Variants in LRRC8D observed in about 807,000 individuals in gnomAD.
The protein encoded by LRRC8D is leucine rich repeat containing 8 VRAC subunit D, also known as volume-regulated anion channel subunit LRRC8D.
LRRC8D carries 20 observed loss-of-function variants against 55.8 expected under a neutral mutation model. The observed-to-expected ratio is 0.36, with a 90% CI of 0.25 to 0.52. The LOEUF (loss-of-function observed/expected upper bound fraction) is 0.52. Ranked by LOEUF, LRRC8D falls within the 20% of genes least tolerant of loss-of-function variation. The probability of loss-of-function intolerance (pLI) is 0.93; values close to 1 mark genes in which losing one functional copy is unlikely to be tolerated. For synonymous variants in LRRC8D, 352 were observed against 377.0 expected (o/e 0.93, Z 0.77); for missense variants, 651 against 1,030.8 (o/e 0.63, Z 5.05).
At chr1:89,843,616 T>G in intron 1 of LRRC8D, 22 bp from the exon 2 acceptor site, 2 of 702,284 alleles carry the variant, frequency 2.8e-6, no homozygotes, top group Non-Finnish European at 2.6e-6. Context: ...TAGCTCTTTC[T>G]CTCCCCTGTG....
chr1:89,831,573 G>A (rs1218051630), intron 1 of LRRC8D, among the ~76,000 whole-genome samples: 1 of 152,062 alleles, frequency 6.6e-6, no homozygotes, highest in African/African-American at 2.4e-5. Flanking sequence ...TTGATTTGGG[G>A]TAAATGGGGA....
intron 1 of LRRC8D, among the ~76,000 whole-genome samples, chr1:89,835,607 T>G (rs1198969821): frequency 6.6e-6 from 1 of 152,220 alleles, no homozygotes. Context: ...GACAATCTCT[T>G]GGAGAGCATG....
intron 2 of LRRC8D, among the ~76,000 whole-genome samples, chr1:89,848,672 G>T (rs556847310): frequency 6.6e-6 from 1 of 152,146 alleles, no homozygotes; most frequent in Admixed American, 6.5e-5. Flanking sequence ...TATGCAGAGT[G>T]GGTAATAACC....
chr1:89,866,611 C>T (rs1661856016), intron 2 of LRRC8D, among the ~76,000 whole-genome samples: 1 of 152,142 alleles, frequency 6.6e-6, no homozygotes, highest in Non-Finnish European at 1.5e-5. Context: ...CTTTAGTTCT[C>T]TACTTTTCTT....
chr1:89,923,604 C>CA (rs1320234006), intron 2 of LRRC8D, among the ~76,000 whole-genome samples: 3 of 151,902 alleles, frequency 2.0e-5, no homozygotes, highest in Admixed American at 6.6e-5. Context: ...ATATGGAACC[C>CA]AAAAAAAGCC....
At chr1:89,906,020 G>A (rs571985523) in intron 2 of LRRC8D, among the ~76,000 whole-genome samples, 34 of 152,292 alleles carry the variant, frequency 2.2e-4, no homozygotes, top group African/African-American at 7.5e-4. Context: ...AATTGTATTT[G>A]AACAGTTGTC....
intron 2 of LRRC8D, among the ~76,000 whole-genome samples, chr1:89,844,054 C>G (rs1426170842): frequency 1.3e-5 from 2 of 152,242 alleles, no homozygotes; most frequent in East Asian, 3.9e-4. Context: ...TGCGCTGGAG[C>G]TGCCAGTGCT....
intron 1 of LRRC8D, among the ~76,000 whole-genome samples, chr1:89,826,229 A>C (rs1169541384): frequency 2.0e-5 from 3 of 150,374 alleles, no homozygotes; most frequent in Non-Finnish European, 4.4e-5. Flanking sequence ...TTATAGCTGG[A>C]AGGGATCAAC....
intron 2 of LRRC8D, among the ~76,000 whole-genome samples, chr1:89,852,512 T>G (rs1661444327): frequency 1.3e-5 from 2 of 152,158 alleles, no homozygotes; most frequent in Non-Finnish European, 2.9e-5. Flanking sequence ...TTTTGTTAAG[T>G]TCTGAGGATG....
chr1:89,860,128 A>G (rs1661664371), intron 2 of LRRC8D, among the ~76,000 whole-genome samples: 1 of 152,186 alleles, frequency 6.6e-6, no homozygotes, highest in Admixed American at 6.5e-5. Context: ...TTTTATTACT[A>G]CGTAGGTTTT....
At chr1:89,880,388 CTG>C (rs996925281) in intron 2 of LRRC8D, among the ~76,000 whole-genome samples, 3 of 151,380 alleles carry the variant, frequency 2.0e-5, no homozygotes, top group Non-Finnish European at 4.4e-5. Flanking sequence ...CAGTGCTAGA[CTG>C]TAATAATGTG....
chr1:89,884,823 A>G (rs758139873), intron 2 of LRRC8D, among the ~76,000 whole-genome samples: 2 of 152,192 alleles, frequency 1.3e-5, no homozygotes, highest in East Asian at 3.9e-4. Context: ...GTACTGTTGG[A>G]TCTTGGCATC....
intron 2 of LRRC8D, among the ~76,000 whole-genome samples, chr1:89,916,691 CT>C (rs1348374109): frequency 1.3e-5 from 2 of 152,022 alleles, no homozygotes; most frequent in African/African-American, 4.8e-5. Flanking sequence ...TCTGTTCTCT[CT>C]TTTCTTCGTT....
At chr1:89,824,845 C>A (rs1383169966) in intron 1 of LRRC8D, among the ~76,000 whole-genome samples, 1 of 152,170 alleles carries the variant, frequency 6.6e-6, no homozygotes, top group South Asian at 2.1e-4. Context: ...AGTAAGACAG[C>A]TGTTTGCTGA....
intron 1 of LRRC8D, among the ~76,000 whole-genome samples, chr1:89,842,214 GAAA>G (rs55785953): frequency 0.46 from 59,508 of 130,432 alleles, 13,713 homozygotes; most frequent in East Asian, 0.96. Flanking sequence ...CTCTGTCTCA[GAAA>G]AAAAAAAAAA....
At chr1:89,907,605 A>C (rs1008311292) in intron 2 of LRRC8D, among the ~76,000 whole-genome samples, 7 of 152,176 alleles carry the variant, frequency 4.6e-5, no homozygotes, top group African/African-American at 1.7e-4. Context: ...TTTTAGCCTC[A>C]AAAGGGACAT....
chr1:89,847,801 T>A (rs1004913192), intron 2 of LRRC8D, among the ~76,000 whole-genome samples: 5 of 152,358 alleles, frequency 3.3e-5, no homozygotes, highest in African/African-American at 1.2e-4. Flanking sequence ...CTCTTATAAT[T>A]GCAGATGTTT....
intron 2 of LRRC8D, 42 bp downstream of exon 2, chr1:89,843,824 G>C: frequency 3.2e-6 from 2 of 628,144 alleles, no homozygotes; most frequent in South Asian, 3.5e-5. Context: ...GGGTCGGGAA[G>C]TCTGCGGCAC....
chr1:89,826,276 ATTTTT>A (rs869180898), intron 1 of LRRC8D, among the ~76,000 whole-genome samples: 1 of 67,310 alleles, frequency 1.5e-5, no homozygotes, highest in African/African-American at 5.0e-5. Context: ...ATTTTATTTT[ATTTTT>A]TTAGACGGAG....
Sources: allele counts gnomAD v4.1 joint callset (sites outside exome capture counted in the v4.1 genomes callset), GRCh38; gene constraint gnomAD v4.1.1; transcripts MANE v1.5; gene names NCBI Gene and HGNC (gene_info 2026-07-23, HGNC 2026-07-21).